Variants in ENAH observed in about 807,000 individuals in gnomAD.
The protein encoded by ENAH is protein enabled homolog.
ENAH carries 23 observed loss-of-function variants against 78.7 expected under a neutral mutation model. The ratio of observed to expected loss-of-function variants is 0.29; its 90% CI spans 0.21 to 0.41. The LOEUF is 0.41. Ranked by LOEUF, ENAH falls within the 10% of genes least tolerant of loss-of-function variation. The probability of loss-of-function intolerance (pLI) is 1.00; values close to 1 mark genes in which losing one functional copy is unlikely to be tolerated. For missense variants in ENAH, 544 were observed against 691.0 expected (o/e 0.79, Z 2.39); for synonymous variants, 226 against 241.0 (o/e 0.94, Z 0.58).
intron 1 of ENAH, among the ~76,000 whole-genome samples, chr1:225,616,331 T>TAA (rs79946774): frequency 2.8e-3 from 353 of 126,722 alleles, no homozygotes; most frequent in Non-Finnish European, 4.8e-3. Flanking sequence ...AATAAATACT[T>TAA]AAAAAAAAAA....
intron 1 of ENAH, among the ~76,000 whole-genome samples, chr1:225,578,542 C>A (rs1011243296): frequency 2.0e-5 from 3 of 152,166 alleles, no homozygotes; most frequent in African/African-American, 7.2e-5. Context: ...GGGTGGGAAC[C>A]TGCTCTGTGT....
At chr1:225,558,070 C>T (rs530932679) in intron 2 of ENAH, among the ~76,000 whole-genome samples, 3 of 152,094 alleles carry the variant, frequency 2.0e-5, no homozygotes, top group Non-Finnish European at 4.4e-5. Flanking sequence ...AATCTTGGTC[C>T]TCATATATCA....
At chr1:225,558,695 G>A (rs949967076) in intron 2 of ENAH, among the ~76,000 whole-genome samples, 33 of 140,258 alleles carry the variant, frequency 2.4e-4, no homozygotes, top group African/African-American at 5.8e-4. Flanking sequence ...GTGCAGTGGC[G>A]CGATCTCGGC....
chr1:225,539,822 TTG>T (rs2096580815), intron 3 of ENAH, among the ~76,000 whole-genome samples: 1 of 152,218 alleles, frequency 6.6e-6, no homozygotes, highest in African/African-American at 2.4e-5. Flanking sequence ...TATTATTCTC[TTG>T]CTCAACTGGC....
intron 1 of ENAH, among the ~76,000 whole-genome samples, chr1:225,634,554 A>G (rs575591646): frequency 2.0e-5 from 3 of 152,340 alleles, no homozygotes; most frequent in Non-Finnish European, 2.9e-5. Context: ...CCAAACATCA[A>G]TAATGTTGAG....
At chr1:225,647,087 G>A (rs951626357) in intron 1 of ENAH, among the ~76,000 whole-genome samples, 2 of 152,184 alleles carry the variant, frequency 1.3e-5, no homozygotes, top group East Asian at 1.9e-4. Flanking sequence ...TTAGCTGGGC[G>A]TGGTGGCACG....
intron 5 of ENAH, chr1:225,518,906 C>T (rs2096443176): frequency 5.6e-6 from 2 of 359,644 alleles, no homozygotes; most frequent in Admixed American, 4.4e-5. Context: ...TAAAAAATTT[C>T]CCATAAAAAC....
chr1:225,529,019 A>T (rs1352491965), intron 4 of ENAH, among the ~76,000 whole-genome samples: 1 of 151,922 alleles, frequency 6.6e-6, no homozygotes, highest in Non-Finnish European at 1.5e-5. Flanking sequence ...TGCCTAGTTC[A>T]CTGCAACAGC....
intron 1 of ENAH, among the ~76,000 whole-genome samples, chr1:225,585,045 T>G (rs1657580043): frequency 6.6e-6 from 1 of 151,210 alleles, no homozygotes; most frequent in African/African-American, 2.4e-5. Flanking sequence ...TGAAACCATA[T>G]CTCTACTAAA....
chr1:225,590,938 T>C (rs2096872511), intron 1 of ENAH, among the ~76,000 whole-genome samples: 1 of 152,202 alleles, frequency 6.6e-6, no homozygotes, highest in South Asian at 2.1e-4. Context: ...AAGGAGAATC[T>C]AGTTAGGAAT....
rs2096208630 is a variant in ENAH at position 225,488,387 on chromosome 1, T to A, written c.*9388A>T. 6.6e-6 allele frequency: 1 copy of A among 152,108 alleles called. No homozygotes were observed. The allele number at this position is 152,108 out of a possible 1,614,324, so 9.4% of individuals were successfully genotyped here. A position where few individuals can be genotyped will look rare whatever the true frequency, so the allele number is the denominator to read the frequency against. ...GCTTCCAATGAGAACTCAGAAGGCA[T>A]TCACTCTGCCTGAAGTTGTGCTCTG... On this transcript the variant is annotated 3_prime_UTR_variant, in exon 14 of 14. Coordinates refer to ENST00000366843, the MANE Select transcript of ENAH (RefSeq NM_018212.6).
chr1:225,587,371 T>A (rs1323299442), intron 1 of ENAH, among the ~76,000 whole-genome samples: 2 of 152,220 alleles, frequency 1.3e-5, no homozygotes, highest in African/African-American at 2.4e-5. Context: ...TTGCATTTTT[T>A]ATATAGTAGC....
intron 1 of ENAH, among the ~76,000 whole-genome samples, chr1:225,623,773 T>G (rs1657443316): frequency 6.6e-6 from 1 of 152,102 alleles, no homozygotes; most frequent in Admixed American, 6.6e-5. Flanking sequence ...GTATTTTTAG[T>G]AGAGATGTGG....
intron 1 of ENAH, among the ~76,000 whole-genome samples, chr1:225,626,781 C>T (rs965716511): frequency 1.3e-5 from 2 of 152,200 alleles, no homozygotes; most frequent in East Asian, 3.8e-4. Flanking sequence ...TTCTTCTATT[C>T]TCTAGTTATT....
intron 1 of ENAH, among the ~76,000 whole-genome samples, chr1:225,584,189 T>G (rs1016128639): frequency 3.3e-5 from 5 of 152,178 alleles, no homozygotes; most frequent in Admixed American, 1.3e-4. Flanking sequence ...AAATATAAAT[T>G]GGACTGTGTT....
In ENAH at chr1:225,514,720, G is replaced by T; in HGVS notation, c.1094C>A (p.Pro365Gln). 2 of 1,539,480 alleles carry T rather than the reference G, an allele frequency of 1.3e-6. No homozygotes were observed. The highest frequency in any genetic ancestry group is 1.8e-6 in the Non-Finnish European group (2 of 1,120,016). ...AGGGAGGGGTGGGGCAGGAGGTGGT[G>T]GAGGAGGAGGGGGTACTTGATTAGG... ...PLPNQVPPPPPPPPAPPLPAS... is the reference protein window; with the variant it reads ...PLPNQVPPPPQPPPAPPLPAS... The change falls in exon 7 of 14, where the codon CCA (proline) becomes CAA (glutamine). Residue 365 changes from proline to glutamine, a missense_variant. By Grantham distance (76) the Pro-to-Gln change is moderately conservative. Around this residue, in one of 4 missense-constraint regions of ENAH, gnomAD observed 366 missense variants for 396.1 expected, o/e 0.92. Coordinates refer to ENST00000366843, the MANE Select transcript of ENAH (RefSeq NM_018212.6).
At chr1:225,544,842 C>CA (rs557368453) in intron 3 of ENAH, among the ~76,000 whole-genome samples, 55 of 151,654 alleles carry the variant, frequency 3.6e-4, no homozygotes, top group African/African-American at 1.0e-3. Context: ...GAAAAAATCA[C>CA]AAAAAAAATC....
At chr1:225,525,472 C>A (rs1296835794) in intron 4 of ENAH, among the ~76,000 whole-genome samples, 1 of 152,208 alleles carries the variant, frequency 6.6e-6, no homozygotes, top group Non-Finnish European at 1.5e-5. Context: ...CATGGTCCAA[C>A]ATAGCAGAAC....
chr1:225,546,870 G>A (rs75773279), intron 3 of ENAH, among the ~76,000 whole-genome samples: 3 of 152,218 alleles, frequency 2.0e-5, no homozygotes, highest in Non-Finnish European at 2.9e-5. Flanking sequence ...TTGTGTCTAC[G>A]TACCTTTCTT....
Sources: allele counts gnomAD v4.1 joint callset (sites outside exome capture counted in the v4.1 genomes callset), GRCh38; gene constraint gnomAD v4.1.1; regional missense constraint gnomAD v4.1.1; transcripts MANE v1.5; gene names NCBI Gene and HGNC (gene_info 2026-07-23, HGNC 2026-07-21).